Variants in PHF21A observed in about 807,000 individuals in gnomAD.
The protein encoded by PHF21A is BHC80a.
A neutral mutation model predicts 82.5 loss-of-function variants in PHF21A; 11 were observed. The ratio of observed to expected loss-of-function variants is 0.13; its 90% CI spans 0.08 to 0.22. The LOEUF (loss-of-function observed/expected upper bound fraction) is 0.22, where lower values mean the gene tolerates loss of function less well. Among genes scored for constraint, PHF21A ranks in the 10% least tolerant of loss-of-function variants. PHF21A has a pLI of 1.00. For synonymous variants in PHF21A, 297 were observed against 302.8 expected (o/e 0.98, Z 0.20); for missense variants, 579 against 837.8 (o/e 0.69, Z 3.81).
intron 4 of PHF21A, among the ~76,000 whole-genome samples, chr11:46,081,224 G>A (rs1356309179): frequency 6.6e-6 from 1 of 152,082 alleles, no homozygotes; most frequent in Non-Finnish European, 1.5e-5. Flanking sequence ...AAATACACAA[G>A]GTATGTGTCA....
chr11:46,120,237 C>CA (rs1267830230), intron 1 of PHF21A, among the ~76,000 whole-genome samples: 5 of 146,118 alleles, frequency 3.4e-5, no homozygotes, highest in Admixed American at 1.3e-4. Flanking sequence ...GATGGTTTTC[C>CA]AAAAAAAAAT....
At chr11:45,981,950 T>C (rs1461605701) in intron 6 of PHF21A, among the ~76,000 whole-genome samples, 15 of 141,414 alleles carry the variant, frequency 1.1e-4, no homozygotes, top group Admixed American at 2.1e-4. Context: ...CTTTTTTTTT[T>C]TTTTTTTTTT....
chr11:46,033,494 G>A (rs2095911647), intron 6 of PHF21A, among the ~76,000 whole-genome samples: 1 of 152,090 alleles, frequency 6.6e-6, no homozygotes. Context: ...GAACTCCTGG[G>A]CTCAAGCAAT....
intron 6 of PHF21A, among the ~76,000 whole-genome samples, chr11:46,017,198 C>T (rs528626238): frequency 9.3e-4 from 142 of 152,080 alleles, no homozygotes; most frequent in Non-Finnish European, 1.2e-3. Flanking sequence ...CTCAAACTCC[C>T]GACCTCAGGT....
intron 6 of PHF21A, among the ~76,000 whole-genome samples, chr11:46,024,494 T>TA (rs1369734897): frequency 1.3e-5 from 2 of 152,108 alleles, no homozygotes; most frequent in South Asian, 4.1e-4. Flanking sequence ...CCTCTATACT[T>TA]TAATTAAGAC....
At chr11:46,013,341 T>A (rs1175997895) in intron 6 of PHF21A, among the ~76,000 whole-genome samples, 1 of 152,190 alleles carries the variant, frequency 6.6e-6, no homozygotes, top group Non-Finnish European at 1.5e-5. Flanking sequence ...CTGCCATTGG[T>A]CACTTAGTAG....
At chr11:46,012,107 G>A (rs182568631) in intron 6 of PHF21A, among the ~76,000 whole-genome samples, 50 of 152,190 alleles carry the variant, frequency 3.3e-4, no homozygotes, top group African/African-American at 1.0e-3. Flanking sequence ...CATTACTACC[G>A]GAAAGAATCC....
chr11:46,041,786 A>C (rs907600044), intron 6 of PHF21A, among the ~76,000 whole-genome samples: 5 of 152,178 alleles, frequency 3.3e-5, no homozygotes, highest in Admixed American at 6.5e-5. Context: ...CGCTCCCTGA[A>C]CTATCACACA....
intron 17 of PHF21A, among the ~76,000 whole-genome samples, chr11:45,936,008 T>C (rs1034211557): frequency 6.6e-6 from 1 of 152,196 alleles, no homozygotes; most frequent in Non-Finnish European, 1.5e-5. Flanking sequence ...CCAGGCATGA[T>C]GGCTCATGCC....
chr11:46,110,330 T>C (rs527785709), intron 1 of PHF21A, among the ~76,000 whole-genome samples: 3 of 152,290 alleles, frequency 2.0e-5, no homozygotes, highest in African/African-American at 7.2e-5. Flanking sequence ...CCAAGTCTTC[T>C]GACATCATCA....
intron 5 of PHF21A, among the ~76,000 whole-genome samples, chr11:46,078,635 G>A (rs1385726433): frequency 6.6e-6 from 1 of 151,662 alleles, no homozygotes; most frequent in Non-Finnish European, 1.5e-5. Context: ...CTCCTTTAAG[G>A]GTTCTTTCAA....
chr11:46,059,145 T>C (rs1221427442), intron 6 of PHF21A, among the ~76,000 whole-genome samples: 1 of 152,184 alleles, frequency 6.6e-6, no homozygotes, highest in Non-Finnish European at 1.5e-5. Flanking sequence ...TTTTTACTTC[T>C]AGGAAATAAT....
chr11:45,939,909 G>T (rs1437959923), intron 15 of PHF21A, among the ~76,000 whole-genome samples: 1 of 152,102 alleles, frequency 6.6e-6, no homozygotes, highest in Non-Finnish European at 1.5e-5. Flanking sequence ...AGTGCTAGAG[G>T]TGACCCAGCA....
At chr11:46,031,224 C>A (rs1367224759) in intron 6 of PHF21A, among the ~76,000 whole-genome samples, 1 of 152,186 alleles carries the variant, frequency 6.6e-6, no homozygotes, top group African/African-American at 2.4e-5. Context: ...TCCCTTCCAA[C>A]CTCTTTCCAT....
chr11:46,006,905 T>C (rs978574203), intron 6 of PHF21A, among the ~76,000 whole-genome samples: 2 of 152,070 alleles, frequency 1.3e-5, no homozygotes, highest in Admixed American at 6.6e-5. Context: ...TCTCAGAAAA[T>C]GCAAAGTCAA....
intron 9 of PHF21A, among the ~76,000 whole-genome samples, chr11:45,968,027 T>C (rs1003887337): frequency 6.6e-6 from 1 of 152,196 alleles, no homozygotes; most frequent in Non-Finnish European, 1.5e-5. Context: ...GACTAAACCT[T>C]AGATTCCTTA....
rs182551157 is a variant in PHF21A, at chr11:46,053,713, G to A, written c.153+23041C>T. Among the ~76,000 whole-genome samples the A allele has an allele frequency of 2.1e-3, 317 of 151,978 alleles. 1 individual carries two copies. The highest frequency in any genetic ancestry group is 1.4e-3 in the Non-Finnish European group (96 of 67,970). ...GAGTTTCAATCCTCATCTTCCTCCC[G>A]TTCTTCTTCCTGGTTAATTTGGCAG... On this transcript the variant is annotated intron_variant, in intron 6 of 18. Coordinates refer to ENST00000676320, the MANE Select transcript of PHF21A (RefSeq NM_001352027.3).
At chr11:45,969,621 T>C (rs1333411160) in intron 9 of PHF21A, among the ~76,000 whole-genome samples, 194 bp downstream of exon 9, 1 of 152,276 alleles carries the variant, frequency 6.6e-6, no homozygotes, top group Admixed American at 6.5e-5. Flanking sequence ...CCCCTGCTAC[T>C]GCCTTTGGTC....
chr11:46,102,749 G>A (rs1463866688), intron 1 of PHF21A, among the ~76,000 whole-genome samples: 1 of 152,188 alleles, frequency 6.6e-6, no homozygotes, highest in Non-Finnish European at 1.5e-5. Context: ...TTCAGTTACT[G>A]TGCAAGTGAT....
Sources: gnomAD v4.1 joint callset for allele counts (sites outside exome capture counted in the v4.1 genomes callset) on GRCh38, gnomAD v4.1.1 for gene constraint, MANE v1.5 for transcripts, NCBI Gene and HGNC (gene_info 2026-07-23, HGNC 2026-07-21) for gene names.